RPS24: variants seen among roughly 807,000 people sequenced by gnomAD.
RPS24 encodes ribosomal protein S24.
For synonymous variants in RPS24, 72 were observed against 55.6 expected, an observed-to-expected ratio of 1.30 and a Z score of -1.31; for missense variants, 100 against 162.5, an observed-to-expected ratio of 0.62 and a Z score of 2.09.
rs138855942 is a variant in RPS24, at chr10:78,048,479, G to A, written c.391-6052G>A. Among the ~76,000 whole-genome samples the A allele has an allele frequency of 4.5e-3, 678 of 152,280 alleles. 3 individuals carry two copies. Among genetic ancestry groups the A allele is most frequent in the African/African-American group, 0.015 (641 of 41,564 alleles). On this transcript the variant is annotated intron_variant, in intron 4 of 4. Transcript: ENST00000440692. ...GGAAATCTCCAGAACTGCCTTTTCA[G>A]AGCGCTATAGATGTGCTCATCCCTG... is the stretch of plus-strand genomic sequence containing the variant.
At chr10:78,035,955 T>C (rs1278008717) in intron 3 of RPS24, 1 of 528,264 alleles carries the variant, frequency 1.9e-6, no homozygotes, top group East Asian at 3.5e-5. Flanking sequence ...GGAGATGGGC[T>C]AGGGGTAAGG....
At chr10:78,039,465 G>C (rs1847945185) in intron 4 of RPS24, 1 of 152,454 alleles carries the variant, frequency 6.6e-6, no homozygotes, top group African/African-American at 2.4e-5. Flanking sequence ...AAGCCAGCTG[G>C]AAAAATCAAT....
At chr10:78,049,918 T>C (rs1848082438) in intron 4 of RPS24, among the ~76,000 whole-genome samples, 1 of 152,274 alleles carries the variant, frequency 6.6e-6, no homozygotes, top group East Asian at 1.9e-4. Context: ...GAGCACAGTT[T>C]TGGGGGACAA....
intron 4 of RPS24, among the ~76,000 whole-genome samples, chr10:78,053,775 G>C (rs1274200560): frequency 6.6e-6 from 1 of 152,160 alleles, no homozygotes; most frequent in Admixed American, 6.5e-5. Context: ...GGAAGCTCCT[G>C]TGTTGGGCAC....
At chr10:78,038,171 G>A (rs1394491609) in intron 4 of RPS24, 1 of 274,000 alleles carries the variant, frequency 3.6e-6, no homozygotes, top group Non-Finnish European at 7.3e-6. Context: ...AACCTAATAT[G>A]TTTTAAGATA....
chr10:78,043,304 A>G (rs1446412777), downstream of RPS24, among the ~76,000 whole-genome samples: 1 of 152,098 alleles, frequency 6.6e-6, no homozygotes, highest in Non-Finnish European at 1.5e-5. Flanking sequence ...TGCCCGGCCT[A>G]ATCTGCATGT....
intron 4 of RPS24, chr10:78,038,784 C>G (rs993034815): frequency 5.3e-5 from 8 of 152,108 alleles, no homozygotes; most frequent in Admixed American, 4.6e-4. Context: ...CGACTACAGG[C>G]ATGTGCCACC....
intron 4 of RPS24, among the ~76,000 whole-genome samples, chr10:78,049,469 T>A (rs969979795): frequency 1.3e-5 from 2 of 152,160 alleles, no homozygotes; most frequent in Non-Finnish European, 2.9e-5. Context: ...TGAGGTTGCT[T>A]ATTAGCTCCT....
chr10:78,055,196 A>C, exon 5 of RPS24: 13 of 973,624 alleles, frequency 1.3e-5, no homozygotes, highest in African/African-American at 1.7e-5. Flanking sequence ...CGCCCCCACA[A>C]TCCCCCACGA....
rs1848091162 is a variant in RPS24, at chr10:78,050,769, C to A, written c.391-3762C>A. On this transcript the variant is annotated intron_variant, in intron 4 of 4. Coordinates refer to the RPS24 transcript ENST00000440692. Reference sequence around the variant, plus strand: ...AGGACTACAGGTGCACAGCACCAGGCCCAGCTACTTTTTTTTTCTTTTTTT... The same window carrying A: ...AGGACTACAGGTGCACAGCACCAGGACCAGCTACTTTTTTTTTCTTTTTTT... Among the ~76,000 whole-genome samples, 3 of 152,344 alleles carry A rather than the reference C, an allele frequency of 2.0e-5. No individual in the cohort carries two copies. In the South Asian group the frequency reaches 6.2e-4, roughly 32 times the overall value.
chr10:78,037,732 A>C (rs1047193177), intron 4 of RPS24: 31 of 345,108 alleles, frequency 9.0e-5, no homozygotes, highest in African/African-American at 6.2e-4. Context: ...CTGGAAAGGC[A>C]ACTGAGATCT....
At chr10:78,046,907 C>T (rs1471394905) in intron 4 of RPS24, among the ~76,000 whole-genome samples, 1 of 152,074 alleles carries the variant, frequency 6.6e-6, no homozygotes, top group African/African-American at 2.4e-5. Flanking sequence ...CACCAGGGAA[C>T]TTGCTAGAAA....
downstream of RPS24, among the ~76,000 whole-genome samples, chr10:78,043,626 A>G (rs1017331451): frequency 2.0e-5 from 3 of 152,228 alleles, no homozygotes; most frequent in African/African-American, 4.8e-5. Context: ...TTGGGGATAA[A>G]GAAGCTGTTC....
At chr10:78,047,547 A>G (rs1848057778) in intron 4 of RPS24, among the ~76,000 whole-genome samples, 1 of 152,200 alleles carries the variant, frequency 6.6e-6, no homozygotes, top group African/African-American at 2.4e-5. Context: ...AAAAAGCTTG[A>G]TGCCAGATCA....
exon 5 of RPS24, chr10:78,054,767 C>T: frequency 6.4e-7 from 1 of 1,551,656 alleles, no homozygotes; most frequent in Non-Finnish European, 8.7e-7. Flanking sequence ...GCCAGGCGTG[C>T]CTTTTGGAGA....
intron 3 of RPS24, chr10:78,036,463 G>A (rs1847870448): frequency 6.5e-6 from 1 of 153,500 alleles, no homozygotes; most frequent in African/African-American, 2.4e-5. Context: ...GCACCATCAT[G>A]CCTGGGTAAT....
At chr10:78,040,016 G>A (rs562639057) in intron 4 of RPS24, 188 bp from the exon 5 acceptor site, 914 of 684,680 alleles carry the variant, frequency 1.3e-3, no homozygotes, top group Non-Finnish European at 2.0e-3. Context: ...TGTCAGAATT[G>A]GGAGGAATAA....
At chr10:78,052,691 G>A (rs943531153) in intron 4 of RPS24, among the ~76,000 whole-genome samples, 3 of 152,170 alleles carry the variant, frequency 2.0e-5, no homozygotes, top group African/African-American at 7.2e-5. Context: ...CCTGATGGGG[G>A]CTGCCTTGAG....
At chr10:78,053,183 C>CAA (rs1456735363) in intron 4 of RPS24, among the ~76,000 whole-genome samples, 4,777 of 97,480 alleles carry the variant, frequency 0.049, 172 homozygotes, top group East Asian at 0.26. Flanking sequence ...ACAACAACAA[C>CAA]AACAAAAAAA....
Sources: gnomAD v4.1 joint callset for allele counts (sites outside exome capture counted in the v4.1 genomes callset) on GRCh38, gnomAD v4.1.1 for gene constraint, MANE v1.5 for transcripts, NCBI Gene and HGNC (gene_info 2026-07-23, HGNC 2026-07-21) for gene names.